The following FAM78B variants were observed in gnomAD, a reference collection of about 807,000 sequenced individuals.
FAM78B encodes family with sequence similarity 78 member B.
In FAM78B, 10 loss-of-function variants were observed where a neutral mutation model predicts 20.0. The observed-to-expected ratio is 0.50, with a 90% CI of 0.31 to 0.85. FAM78B has a LOEUF of 0.85. FAM78B is among the 40% of genes least tolerant of loss of function. FAM78B has a pLI of 0.05. For synonymous variants in FAM78B, 135 were observed against 132.8 expected (o/e 1.02, Z -0.12); for missense variants, 283 against 345.0 (o/e 0.82, Z 1.42).
chr1:166,089,014 C>T (rs991892646), intron 1 of FAM78B, among the ~76,000 whole-genome samples: 4 of 152,194 alleles, frequency 2.6e-5, no homozygotes, highest in Non-Finnish European at 2.9e-5. Flanking sequence ...TCCTTATGGT[C>T]CTCCAACATG....
intron 1 of FAM78B, among the ~76,000 whole-genome samples, chr1:166,093,837 G>T (rs1477797793): frequency 6.6e-6 from 1 of 151,826 alleles, no homozygotes; most frequent in African/African-American, 2.4e-5. Context: ...TCTTAGGAAA[G>T]ATTTGAATTA....
intron 1 of FAM78B, among the ~76,000 whole-genome samples, chr1:166,128,460 T>C (rs1223991979): frequency 1.3e-5 from 2 of 152,240 alleles, no homozygotes; most frequent in Non-Finnish European, 2.9e-5. Flanking sequence ...CTCTCTGCAC[T>C]CTGTCCCTTA....
chr1:166,129,260 G>T (rs781149397), intron 1 of FAM78B, among the ~76,000 whole-genome samples: 1 of 152,232 alleles, frequency 6.6e-6, no homozygotes, highest in Admixed American at 6.5e-5. Flanking sequence ...CATGTGCTCC[G>T]CATGCAATTC....
chr1:166,127,274 C>G (rs1434329695), intron 1 of FAM78B, among the ~76,000 whole-genome samples: 3 of 152,218 alleles, frequency 2.0e-5, no homozygotes, highest in Non-Finnish European at 4.4e-5. Flanking sequence ...AATCCATCTC[C>G]AAGTTCAATT....
At chr1:166,114,182 C>T (rs1571175246) in intron 1 of FAM78B, among the ~76,000 whole-genome samples, 1 of 152,148 alleles carries the variant, frequency 6.6e-6, no homozygotes, top group Admixed American at 6.5e-5. Flanking sequence ...ATTGCACATT[C>T]GAATTTTTGA....
chr1:166,077,176 GAGA>G (rs1276482530), intron 1 of FAM78B, among the ~76,000 whole-genome samples: 4 of 152,106 alleles, frequency 2.6e-5, no homozygotes, highest in Admixed American at 6.6e-5. Flanking sequence ...AGAAAAAAAC[GAGA>G]AGAAGTTGGG....
chr1:166,125,905 C>T (rs980863553), intron 1 of FAM78B, among the ~76,000 whole-genome samples: 1 of 148,922 alleles, frequency 6.7e-6, no homozygotes. Flanking sequence ...GATCTCAGCT[C>T]ACTGCAACCT....
At chr1:166,119,566 A>G (rs1228495933) in intron 1 of FAM78B, among the ~76,000 whole-genome samples, 1 of 152,192 alleles carries the variant, frequency 6.6e-6, no homozygotes, top group Non-Finnish European at 1.5e-5. Flanking sequence ...GGAGAGTATC[A>G]GTTGAAAGCC....
At chr1:166,142,500 C>G (rs1655316625) in intron 1 of FAM78B, among the ~76,000 whole-genome samples, 1 of 152,146 alleles carries the variant, frequency 6.6e-6, no homozygotes, top group East Asian at 1.9e-4. Flanking sequence ...CAATGGGATT[C>G]CTCCCCTCAA....
At chr1:166,118,496 T>C (rs1654344769) in intron 1 of FAM78B, among the ~76,000 whole-genome samples, 1 of 152,176 alleles carries the variant, frequency 6.6e-6, no homozygotes, top group South Asian at 2.1e-4. Context: ...AATAACCTTA[T>C]GTGTCATTTA....
intron 1 of FAM78B, among the ~76,000 whole-genome samples, chr1:166,139,387 A>C (rs1348373687): frequency 6.6e-6 from 1 of 152,210 alleles, no homozygotes; most frequent in Non-Finnish European, 1.5e-5. Flanking sequence ...CATTGAGAGT[A>C]CTGTATGTGC....
At chr1:166,075,211 G>A (rs762391986) in intron 1 of FAM78B, among the ~76,000 whole-genome samples, 13 of 152,120 alleles carry the variant, frequency 8.5e-5, no homozygotes, top group Non-Finnish European at 1.6e-4. Context: ...GTTAAAGGGA[G>A]GGAACGAGGA....
chr1:166,070,340 G>A lies in FAM78B; in HGVS notation c.687C>T (p.Ile229=). The change falls in exon 2 of 2, where the codon ATC becomes ATT. Residue 229 remains isoleucine, a synonymous_variant. Coordinates refer to ENST00000354422, the MANE Select transcript of FAM78B (RefSeq NM_001017961.5). ...TGGGTTTCACTAGTGCATTAGGGGG[G>A]ATGGGTTCCATCCGGCTCAGGATCC... is the stretch of plus-strand genomic sequence containing the variant. The part of the protein sequence containing the change: ...QPRILSRMEP[I]PPNALVKPNA... 2 of 1,611,368 alleles carry A rather than the reference G, an allele frequency of 1.2e-6. No individual in the cohort carries two copies. The highest frequency in any genetic ancestry group is 1.7e-6 in the Non-Finnish European group (2 of 1,178,414).
chr1:166,075,278 T>G (rs1034745257), intron 1 of FAM78B, among the ~76,000 whole-genome samples: 7 of 152,178 alleles, frequency 4.6e-5, no homozygotes, highest in Non-Finnish European at 8.8e-5. Context: ...TCATCTAGAC[T>G]GGTGGCTGAG....
rs1459749545 is a variant in FAM78B, at chr1:166,069,385, G to A, written c.*856C>T. On this transcript the variant is annotated 3_prime_UTR_variant, in exon 2 of 2. Coordinates refer to ENST00000354422, the MANE Select transcript of FAM78B (RefSeq NM_001017961.5). ...TCATAACTTTTTAAATATAAATTTA[G>A]GGCTAATCATGGGAACAGAATAAGC... 6.6e-6 allele frequency: 1 copy of A among 151,968 alleles called. No homozygotes were observed. Among genetic ancestry groups the A allele is most frequent in the Non-Finnish European group, 1.5e-5 (1 of 67,998 alleles). 9.4% of individuals were successfully genotyped at this position (151,968 alleles called of 1,614,324 possible). A position where few individuals can be genotyped will look rare whatever the true frequency, so the allele number is the denominator to read the frequency against.
chr1:166,092,484 G>A (rs774582279), intron 1 of FAM78B, among the ~76,000 whole-genome samples: 89 of 152,154 alleles, frequency 5.8e-4, no homozygotes, highest in Admixed American at 3.1e-3. Context: ...CTCTTCTGTA[G>A]GCCCCTTGCT....
At chr1:166,066,255 G>A (rs1651793380), downstream of FAM78B, among the ~76,000 whole-genome samples, 1 of 152,214 alleles carries the variant, frequency 6.6e-6, no homozygotes, top group Admixed American at 6.5e-5. Flanking sequence ...GAGCTGCTGA[G>A]TGACAGCTAG....
chr1:166,084,919 TA>T (rs528530502), intron 1 of FAM78B, among the ~76,000 whole-genome samples: 94 of 152,368 alleles, frequency 6.2e-4, no homozygotes, highest in African/African-American at 2.2e-3. Context: ...GTCCTGTGGC[TA>T]TAAAAGGCCT....
At chr1:166,113,743 A>T (rs1347501479) in intron 1 of FAM78B, among the ~76,000 whole-genome samples, 1 of 152,186 alleles carries the variant, frequency 6.6e-6, no homozygotes, top group Non-Finnish European at 1.5e-5. Context: ...CTGGGCAGCA[A>T]TGAAAGGGTG....
Sources: gnomAD v4.1 joint callset for allele counts (sites outside exome capture counted in the v4.1 genomes callset) on GRCh38, gnomAD v4.1.1 for gene constraint, MANE v1.5 for transcripts, NCBI Gene and HGNC (gene_info 2026-07-23, HGNC 2026-07-21) for gene names.